Variants in ANO1 observed in about 807,000 individuals in gnomAD.
ANO1 encodes the protein anoctamin-1.
ANO1 carries 59 observed loss-of-function variants against 124.0 expected under a neutral mutation model. The observed-to-expected ratio is 0.48, with a 90% CI of 0.39 to 0.59. ANO1 has a LOEUF of 0.59. ANO1 is among the 20% of genes least tolerant of loss of function. The probability of loss-of-function intolerance (pLI) is 0.00; values close to 1 mark genes in which losing one functional copy is unlikely to be tolerated. For missense variants in ANO1, 1,059 were observed against 1,328.0 expected, an observed-to-expected ratio of 0.80 and a Z score of 3.15; for synonymous variants, 529 against 532.0, an observed-to-expected ratio of 0.99 and a Z score of 0.08.
chr11:70,153,984 T>G (rs2047706067), intron 14 of ANO1, among the ~76,000 whole-genome samples: 1 of 152,108 alleles, frequency 6.6e-6, no homozygotes, highest in Admixed American at 6.5e-5. Flanking sequence ...CAGGCTGGTC[T>G]CGAACTCCTG....
intron 1 of ANO1, among the ~76,000 whole-genome samples, chr11:70,017,469 CCTTCCCTCCCTCCCTTCCTCCTTTA>C (rs1856722690): frequency 6.6e-6 from 1 of 150,900 alleles, no homozygotes; most frequent in African/African-American, 2.4e-5. Flanking sequence ...TTCCTTCCCT[CCTTCCCTCCCTCCCTTCCTCCTTTA>C]CTTCCCTCCC....
At chr11:69,995,105 T>TTTG (rs1856239850) in intron 1 of ANO1, among the ~76,000 whole-genome samples, 3 of 145,626 alleles carry the variant, frequency 2.1e-5, no homozygotes, top group South Asian at 4.4e-4. Flanking sequence ...TTTTTTTTTT[T>TTTG]TTTTTTTTTT....
intron 11 of ANO1, 117 bp downstream of exon 11, chr11:70,132,196 A>G: frequency 7.5e-7 from 1 of 1,331,446 alleles, no homozygotes; most frequent in Non-Finnish European, 1.0e-6. Flanking sequence ...GGGAAAAAAC[A>G]TAGGGGAAGG....
At chr11:70,105,941 G>A (rs1359035610) in intron 5 of ANO1, among the ~76,000 whole-genome samples, 153 bp downstream of exon 5, 9 of 152,068 alleles carry the variant, frequency 5.9e-5, no homozygotes, top group East Asian at 1.9e-4. Flanking sequence ...AGAGGGCAAC[G>A]AGGGGCCCAG....
chr11:70,024,726 T>C (rs142954614), intron 1 of ANO1, among the ~76,000 whole-genome samples: 329 of 152,362 alleles, frequency 2.2e-3, no homozygotes, highest in African/African-American at 7.4e-3. Context: ...CAGAGCTGCC[T>C]CTGTCTGGAT....
chr11:70,121,625 C>CCT lies in ANO1; in HGVS notation c.898-2720_898-2719dup, dbSNP rs778456396. Among the ~76,000 whole-genome samples, 269 of 101,400 alleles carry CCT rather than the reference C, an allele frequency of 2.7e-3. 10 individuals are homozygous for CCT. Among genetic ancestry groups the CCT allele is most frequent in the Middle Eastern group, 6.8e-3 (1 of 146 alleles). The allele number at this position is 101,400 out of a possible 152,430, so 66.5% of individuals were successfully genotyped here. ...TCTGTCTCTCTCTCCGTCTCCCCCA[C>CCT]CTCTCTGTCTGTCTCTCTGTCTCTG... On this transcript the variant is annotated intron_variant, in intron 8 of 25. Transcript: ENST00000355303.
upstream of ANO1, among the ~76,000 whole-genome samples, chr11:70,077,596 A>G (rs1330087748): frequency 6.6e-6 from 1 of 152,190 alleles, no homozygotes; most frequent in African/African-American, 2.4e-5. Context: ...CCGCCCCTCC[A>G]GAAAGCAGGA....
chr11:69,972,186 C>CAAA, the ANO1 span, among the ~76,000 whole-genome samples: 12 of 86,550 alleles, frequency 1.4e-4, no homozygotes, highest in Non-Finnish European at 2.1e-4. Context: ...GACTCCGTCT[C>CAAA]AAAAAAAAAA....
intron 1 of ANO1, among the ~76,000 whole-genome samples, chr11:70,069,478 T>C (rs965156906): frequency 9.2e-5 from 14 of 152,228 alleles, no homozygotes; most frequent in Non-Finnish European, 1.5e-4. Flanking sequence ...GTCCCCAAGC[T>C]AAACAGATTT....
intron 8 of ANO1, among the ~76,000 whole-genome samples, chr11:70,120,503 G>A (rs548714673): frequency 5.6e-4 from 85 of 152,258 alleles, no homozygotes; most frequent in African/African-American, 2.0e-3. Context: ...GATTCCAGGT[G>A]TGGACTGAGG....
intron 15 of ANO1, 67 bp from the exon 16 acceptor site, chr11:70,156,880 C>CA (rs2047836368): frequency 8.1e-6 from 12 of 1,479,922 alleles, no homozygotes; most frequent in African/African-American, 1.4e-5. Context: ...CATGCACCCA[C>CA]GCTGACACAC....
upstream of ANO1, among the ~76,000 whole-genome samples, chr11:70,077,349 C>A (rs7104619): frequency 0.39 from 58,688 of 152,010 alleles, 12,611 homozygotes; most frequent in East Asian, 0.67. Flanking sequence ...GGACTTCCTG[C>A]AGGAGGTGCT....
At position 70,160,460 on chromosome 11, in the gene ANO1, C is replaced by A. The variant is rs186055215; in HGVS notation, c.1579-701C>A. On this transcript the variant is annotated intron_variant, in intron 16 of 25. Coordinates refer to ENST00000355303, the MANE Select transcript of ANO1 (RefSeq NM_018043.7). ...CTCCCACCACGGTTTCTCAGGCAACCACCAACCCAAGTTTTATGGAATGTT... is the reference window on the plus strand; with the variant it reads ...CTCCCACCACGGTTTCTCAGGCAACAACCAACCCAAGTTTTATGGAATGTT... Among the ~76,000 whole-genome samples, 194 of 152,316 alleles carry A rather than the reference C, an allele frequency of 1.3e-3. 2 individuals carry two copies. Among genetic ancestry groups the A allele is most frequent in the African/African-American group, 4.6e-3 (191 of 41,574 alleles).
chr11:70,052,531 C>CTTT (rs200770702), intron 1 of ANO1, among the ~76,000 whole-genome samples: 17 of 65,904 alleles, frequency 2.6e-4, no homozygotes, highest in African/African-American at 6.2e-4. Flanking sequence ...TTTTTCTTTT[C>CTTT]TTTTTTTTTT....
chr11:69,967,404 A>C, the ANO1 span, among the ~76,000 whole-genome samples: 1 of 152,202 alleles, frequency 6.6e-6, no homozygotes, highest in African/African-American at 2.4e-5. Context: ...GAGCTTCATC[A>C]GGTCCTAGGA....
At chr11:69,969,621 G>T in the ANO1 span, among the ~76,000 whole-genome samples, 52 of 152,266 alleles carry the variant, frequency 3.4e-4, no homozygotes, top group East Asian at 1.2e-3. Context: ...CGGGTCGCAG[G>T]GTAAAGAGAA....
Position 70,165,496 on chromosome 11 carries a change from G to C in ANO1, c.1977G>C (p.Glu659Asp). Reference protein sequence around the residue: ...EECAPGGCLMELCIQLSIIML... With the variant: ...EECAPGGCLMDLCIQLSIIML... Reference sequence around the variant, plus strand: ...GTGCGCCAGGGGGCTGCCTGATGGAGCTATGCATCCAGCTCAGCATCATCA... The same window carrying C: ...GTGCGCCAGGGGGCTGCCTGATGGACCTATGCATCCAGCTCAGCATCATCA... The change falls in exon 20 of 26, where the codon GAG (glutamate) becomes GAC (aspartate). Residue 659 changes from glutamate to aspartate, a missense_variant. Glu to Asp is a conservative substitution (Grantham distance 45). This residue lies in a region of ANO1 where 809 missense variants were observed against 1,094.9 expected (regional missense o/e 0.74). Coordinates refer to ENST00000355303, the MANE Select transcript of ANO1 (RefSeq NM_018043.7). The C allele has an allele frequency of 6.2e-7, 1 of 1,611,898 alleles. No homozygotes were observed. Among genetic ancestry groups the C allele is most frequent in the Non-Finnish European group, 8.5e-7 (1 of 1,179,146 alleles).
At position 70,131,957 on chromosome 11, in the gene ANO1, G is replaced by A; in HGVS notation, c.1136G>A (p.Cys379Tyr). ...MCDQRHNITM[C>Y]PLCDKTCSYW... ...GACCAGAGACACAATATCACCATGT[G>A]CCCGCTTTGCGACAAGACCTGCAGC... is the stretch of plus-strand genomic sequence containing the variant. Residue 379 changes from cysteine to tyrosine, a missense_variant, in exon 11 of 26, where the codon TGC becomes TAC. Physicochemically the swap from Cys to Tyr is radical, Grantham distance 194 (BLOSUM62 -2). This residue lies in a region of ANO1 where 809 missense variants were observed against 1,094.9 expected (regional missense o/e 0.74). Transcript: ENST00000355303. 2 of 1,609,582 alleles carry A rather than the reference G, an allele frequency of 1.2e-6. No homozygotes were observed. Among genetic ancestry groups the A allele is most frequent in the Non-Finnish European group, 1.7e-6 (2 of 1,179,710 alleles).
chr11:70,082,524 C>T (rs1022774853), intron 1 of ANO1, among the ~76,000 whole-genome samples: 30 of 152,336 alleles, frequency 2.0e-4, no homozygotes, highest in Non-Finnish European at 3.1e-4. Context: ...CGCACCACTG[C>T]GCTCCAGCCT....
Sources: gnomAD v4.1 joint callset for allele counts (sites outside exome capture counted in the v4.1 genomes callset) on GRCh38, gnomAD v4.1.1 for gene constraint, gnomAD v4.1.1 regional missense constraint, MANE v1.5 for transcripts, NCBI Gene and HGNC (gene_info 2026-07-23, HGNC 2026-07-21) for gene names.